Variants in FRMD4A observed in about 807,000 individuals in gnomAD.
FRMD4A encodes the protein FERM domain containing 4A.
FRMD4A carries 29 observed loss-of-function variants against 129.1 expected under a neutral mutation model. That is an observed-to-expected ratio of 0.22 (90% CI 0.17 to 0.31). The LOEUF (loss-of-function observed/expected upper bound fraction) is 0.31. Ranked by LOEUF, FRMD4A falls within the 10% of genes least tolerant of loss-of-function variation. The pLI is 1.00. For synonymous variants in FRMD4A, 634 were observed against 571.6 expected (o/e 1.11, Z -1.56); for missense variants, 1,272 against 1,375.8 (o/e 0.92, Z 1.19).
intron 12 of FRMD4A, among the ~76,000 whole-genome samples, chr10:13,714,646 T>C (rs1029117904): frequency 4.6e-5 from 7 of 152,112 alleles, no homozygotes; most frequent in Non-Finnish European, 1.0e-4. Flanking sequence ...AAGACATACA[T>C]AAAGTAGCTG....
rs5783350 is a variant in FRMD4A, at chr10:13,803,148, C to CAAAA, written c.207-6564_207-6561dup. Among the ~76,000 whole-genome samples the CAAAA allele has an allele frequency of 3.0e-4, 39 of 128,502 alleles. No individual in the cohort carries two copies. The South Asian group carries it at 4.2e-3, about 14-fold the overall frequency. 84.3% of individuals were successfully genotyped at this position (128,502 alleles called of 152,430 possible). A position where few individuals can be genotyped will look rare whatever the true frequency, so the allele number is the denominator to read the frequency against. On this transcript the variant is annotated intron_variant, in intron 4 of 24. Transcript: ENST00000357447. ...TGGGTGACACAACAAGATTCCATCT[C>CAAAA]AAAAAAAAAAAAAAAAGGGACAGAC...
Position 13,785,729 on chromosome 10 carries a change from G to A in FRMD4A, c.300-2723C>T, listed in dbSNP as rs566230253. 2.6e-5 allele frequency among the ~76,000 whole-genome samples: 4 copies of A among 152,016 alleles called. No homozygotes were observed. The South Asian group carries it at 6.2e-4, about 24-fold the overall frequency. The stretch of plus-strand genomic sequence containing the variant: ...GTTGGTGTGCTGCACCTGTTAACTC[G>A]TCATTTACATTAGGTATGTCTCCTA... On this transcript the variant is annotated intron_variant, in intron 5 of 24. Transcript: ENST00000357447.
At chr10:13,787,970 A>G (rs1389108222) in intron 5 of FRMD4A, among the ~76,000 whole-genome samples, 2 of 152,156 alleles carry the variant, frequency 1.3e-5, no homozygotes, top group African/African-American at 4.8e-5. Context: ...AGCATGGAGC[A>G]GGGAGTGCTT....
At chr10:13,751,073 T>C (rs998928867) in intron 8 of FRMD4A, among the ~76,000 whole-genome samples, 2 of 152,040 alleles carry the variant, frequency 1.3e-5, no homozygotes, top group Admixed American at 6.5e-5. Flanking sequence ...GATGAAACCA[T>C]GAGAAAGGCA....
At chr10:13,786,270 C>T (rs2092859459) in intron 5 of FRMD4A, among the ~76,000 whole-genome samples, 1 of 152,210 alleles carries the variant, frequency 6.6e-6, no homozygotes, top group African/African-American at 2.4e-5. Flanking sequence ...TCTCCACATC[C>T]TCTCCGGCAC....
chr10:13,659,269 G>A (rs775683016), intron 21 of FRMD4A, 54 bp downstream of exon 21: 72 of 1,501,698 alleles, frequency 4.8e-5, no homozygotes, highest in Non-Finnish European at 6.3e-5. Context: ...GGCTGACAAT[G>A]CCCAATTTTA....
chr10:14,261,322 G>A (rs1310831894), intron 2 of FRMD4A, among the ~76,000 whole-genome samples: 2 of 152,196 alleles, frequency 1.3e-5, no homozygotes, highest in Admixed American at 6.5e-5. Context: ...ATAGCTATTT[G>A]GAGAGTGAAT....
At chr10:13,897,269 G>A (rs114694506) in intron 2 of FRMD4A, among the ~76,000 whole-genome samples, 279 of 152,316 alleles carry the variant, frequency 1.8e-3, no homozygotes, top group African/African-American at 6.3e-3. Context: ...TGTCCTTGCT[G>A]GAGAAGAAAG....
At chr10:14,066,824 T>C (rs888023729) in intron 2 of FRMD4A, among the ~76,000 whole-genome samples, 2 of 152,232 alleles carry the variant, frequency 1.3e-5, no homozygotes, top group Non-Finnish European at 2.9e-5. Context: ...AAATGATCGT[T>C]ATTGTTATGA....
chr10:14,080,498 A>G (rs572929737), intron 2 of FRMD4A, among the ~76,000 whole-genome samples: 17 of 152,018 alleles, frequency 1.1e-4, no homozygotes, highest in Admixed American at 2.0e-4. Flanking sequence ...TGATTTGACA[A>G]GCAGGACAAG....
intron 2 of FRMD4A, among the ~76,000 whole-genome samples, chr10:13,999,206 C>T (rs977144137): frequency 3.9e-5 from 6 of 152,062 alleles, no homozygotes; most frequent in African/African-American, 1.2e-4. Context: ...CCATGCTGCA[C>T]GCTCCGTCTC....
At chr10:14,300,035 C>T (rs533396392) in intron 2 of FRMD4A, among the ~76,000 whole-genome samples, 28 of 152,028 alleles carry the variant, frequency 1.8e-4, no homozygotes, top group African/African-American at 6.5e-4. Context: ...CCCCAGAATC[C>T]AGAGAGGAAC....
chr10:14,075,780 A>C (rs1329999897), intron 2 of FRMD4A, among the ~76,000 whole-genome samples: 1 of 152,186 alleles, frequency 6.6e-6, no homozygotes, highest in African/African-American at 2.4e-5. Context: ...ATATGCACAC[A>C]CACACACATA....
At chr10:13,826,008 G>C (rs1384927179) in intron 3 of FRMD4A, among the ~76,000 whole-genome samples, 1 of 152,140 alleles carries the variant, frequency 6.6e-6, no homozygotes, top group East Asian at 1.9e-4. Context: ...CGGCCTTCAG[G>C]GCTCTGAAAG....
At chr10:14,040,791 G>A (rs193156532) in intron 2 of FRMD4A, among the ~76,000 whole-genome samples, 23 of 152,254 alleles carry the variant, frequency 1.5e-4, no homozygotes, top group Admixed American at 7.2e-4. Context: ...AGACGGAGAC[G>A]CCAGCTTAGG....
At chr10:13,694,200 T>G (rs1281754864) in intron 14 of FRMD4A, among the ~76,000 whole-genome samples, 161 bp from the exon 15 acceptor site, 2 of 152,212 alleles carry the variant, frequency 1.3e-5, no homozygotes, top group Non-Finnish European at 2.9e-5. Flanking sequence ...GCCTCATCAT[T>G]AATCACCGAA....
intron 2 of FRMD4A, among the ~76,000 whole-genome samples, chr10:14,133,731 T>A (rs1036807277): frequency 1.3e-5 from 2 of 152,212 alleles, no homozygotes; most frequent in Non-Finnish European, 2.9e-5. Context: ...ACTACCCTTT[T>A]TGTCTAGAAT....
chr10:13,770,156 T>A (rs2092414681), intron 6 of FRMD4A, among the ~76,000 whole-genome samples: 1 of 152,160 alleles, frequency 6.6e-6, no homozygotes, highest in African/African-American at 2.4e-5. Flanking sequence ...GCACAACTCA[T>A]CATAATTACG....
At chr10:14,123,520 A>C (rs1291053467) in intron 2 of FRMD4A, among the ~76,000 whole-genome samples, 1 of 152,222 alleles carries the variant, frequency 6.6e-6, no homozygotes, top group East Asian at 1.9e-4. Flanking sequence ...TAGAAGGCTC[A>C]AGCTCCTGGG....
Sources: gnomAD v4.1 joint callset for allele counts (sites outside exome capture counted in the v4.1 genomes callset) on GRCh38, gnomAD v4.1.1 for gene constraint, MANE v1.5 for transcripts, NCBI Gene and HGNC (gene_info 2026-07-23, HGNC 2026-07-21) for gene names.